Variants in PFKL observed in about 807,000 individuals in gnomAD.
The protein encoded by PFKL is phosphofructokinase, liver type.
A neutral mutation model predicts 92.1 loss-of-function variants in PFKL; 74 were observed. The ratio of observed to expected loss-of-function variants is 0.80; its 90% CI spans 0.67 to 0.97. The LOEUF (loss-of-function observed/expected upper bound fraction) is 0.97, where lower values mean the gene tolerates loss of function less well. PFKL is among the 50% of genes least tolerant of loss of function. PFKL has a pLI of 0.00. For synonymous variants in PFKL, 494 were observed against 456.4 expected (o/e 1.08, Z -1.05); for missense variants, 1,028 against 1,116.6 (o/e 0.92, Z 1.13).
chr21:44,302,162 G>A (rs998845863), intron 1 of PFKL, among the ~76,000 whole-genome samples: 6 of 152,244 alleles, frequency 3.9e-5, no homozygotes, highest in African/African-American at 1.4e-4. Flanking sequence ...AGCTGGGAGG[G>A]TGCCCACAGT....
Position 44,326,259 on chromosome 21 carries a change from T to C in PFKL, c.2190T>C (p.Asp730=), listed in dbSNP as rs779453427. Reference sequence around the variant, plus strand: ...TCACTGAGCTCAAGAAAGACACTGATTTCGAGTGAGTTCCACCAAAGCCTC... The same window carrying C: ...TCACTGAGCTCAAGAAAGACACTGACTTCGAGTGAGTTCCACCAAAGCCTC... ...SPVTELKKDT[D]FEHRMPREQW... is the part of the protein sequence containing the mutation. The change falls in exon 21 of 22, where the codon GAT becomes GAC. Residue 730 remains aspartate (D), a synonymous_variant. Coordinates refer to ENST00000349048, the MANE Select transcript of PFKL (RefSeq NM_002626.6). The C allele has an allele frequency of 6.2e-7, 1 of 1,608,130 alleles. No individual in the cohort carries two copies. The highest frequency in any genetic ancestry group is 1.7e-5 in the Admixed American group (1 of 59,908).
intron 19 of PFKL, 82 bp from the exon 20 acceptor site, chr21:44,325,879 T>G (rs2047492409): frequency 1.0e-6 from 1 of 982,242 alleles, no homozygotes; most frequent in Admixed American, 2.2e-5. Flanking sequence ...AGGCTCCCCG[T>G]GGGGATCCTG....
chr21:44,304,715 G>T (rs34391295), intron 1 of PFKL, among the ~76,000 whole-genome samples: 29,618 of 115,948 alleles, frequency 0.26, 4,103 homozygotes, highest in African/African-American at 0.39. Flanking sequence ...GTCTGTCTCG[G>T]GGGGCTTGGC....
rs2047123041 is a variant in PFKL, at chr21:44,313,786, T to C, written c.638+104T>C. 1.4e-5 allele frequency: 19 copies of C among 1,366,690 alleles called. No homozygotes were observed. In the Middle Eastern group the frequency reaches 5.8e-4, roughly 42 times the overall value. The allele number at this position is 1,366,690 out of a possible 1,614,324, so 84.7% of individuals were successfully genotyped here. A position where few individuals can be genotyped will look rare whatever the true frequency, so the allele number is the denominator to read the frequency against. On this transcript the variant is annotated intron_variant, in intron 6 of 21. Transcript: ENST00000349048. ...TAGGGCTCAGTTAATGCCATGGGTGTGAGAGAGCCGGGTGGGGGCCGGGAG... is the reference window on the plus strand; with the variant it reads ...TAGGGCTCAGTTAATGCCATGGGTGCGAGAGAGCCGGGTGGGGGCCGGGAG...
At chr21:44,317,377 C>G (rs1419816057) in intron 9 of PFKL, among the ~76,000 whole-genome samples, 12 of 152,186 alleles carry the variant, frequency 7.9e-5, no homozygotes, top group Non-Finnish European at 8.8e-5. Context: ...GAGGCTTCCT[C>G]AGAGAGGGGC....
intron 1 of PFKL, 54 bp downstream of exon 1, chr21:44,300,244 C>T (rs1158173913): frequency 2.0e-4 from 177 of 881,464 alleles, no homozygotes; most frequent in Non-Finnish European, 2.3e-4. Flanking sequence ...GCGCCTCCGC[C>T]CTGGCCTCTC....
chr21:44,323,570 G>A (rs1347604922), intron 15 of PFKL, among the ~76,000 whole-genome samples, 196 bp from the exon 16 acceptor site: 1 of 152,130 alleles, frequency 6.6e-6, no homozygotes, highest in East Asian at 1.9e-4. Context: ...CAGTTTCCCT[G>A]GTAGGCATCC....
Position 44,321,580 on chromosome 21 carries a change from G to A in PFKL, c.1192-149G>A. 6.1e-6 allele frequency: 4 copies of A among 655,478 alleles called. No individual in the cohort carries two copies. The South Asian group carries it at 7.7e-5, about 13-fold the overall frequency. 40.6% of individuals were successfully genotyped at this position (655,478 alleles called of 1,614,324 possible). On this transcript the variant is annotated intron_variant, in intron 12 of 21. Coordinates refer to ENST00000349048, the MANE Select transcript of PFKL (RefSeq NM_002626.6). ...AATTAGAACAGATACCGTATTCCCAGGGCAGTTGGGCGGTGTGCTGGGCAG... is the reference window on the plus strand; with the variant it reads ...AATTAGAACAGATACCGTATTCCCAAGGCAGTTGGGCGGTGTGCTGGGCAG...
At chr21:44,311,118 G>A in intron 3 of PFKL, 35 bp downstream of exon 3, 5 of 1,557,124 alleles carry the variant, frequency 3.2e-6, no homozygotes, top group Non-Finnish European at 4.4e-6. Flanking sequence ...TGTTGCACTT[G>A]GACTCGCAGA....
intron 2 of PFKL, among the ~76,000 whole-genome samples, chr21:44,308,952 T>G (rs1159970905): frequency 1.3e-5 from 2 of 152,260 alleles, no homozygotes; most frequent in South Asian, 4.2e-4. Flanking sequence ...ACACAGGTCT[T>G]TCTTCCTACG....
chr21:44,302,119 C>G (rs1279883553), intron 1 of PFKL, among the ~76,000 whole-genome samples: 1 of 152,234 alleles, frequency 6.6e-6, no homozygotes, highest in Admixed American at 6.5e-5. Flanking sequence ...GGCCCCAGTG[C>G]CTGATATGGA....
chr21:44,321,652 G>A (rs1485383230), intron 12 of PFKL, 77 bp from the exon 13 acceptor site: 16 of 1,417,400 alleles, frequency 1.1e-5, no homozygotes, highest in Middle Eastern at 1.9e-4. Context: ...AGAACCTGCC[G>A]GCCTGCTGAC....
chr21:44,305,168 A>T, intron 1 of PFKL: 1 of 1,104,092 alleles, frequency 9.1e-7, no homozygotes, highest in Non-Finnish European at 1.2e-6. Flanking sequence ...TCCCTCTGGG[A>T]TCTCATTGGA....
intron 1 of PFKL, among the ~76,000 whole-genome samples, chr21:44,302,348 G>A (rs899352845): frequency 3.9e-5 from 6 of 152,276 alleles, no homozygotes; most frequent in African/African-American, 1.4e-4. Flanking sequence ...CCAGTTCAGG[G>A]CTGGGGCTGA....
intron 1 of PFKL, among the ~76,000 whole-genome samples, chr21:44,303,249 A>G (rs985720338): frequency 6.6e-6 from 1 of 151,020 alleles, no homozygotes; most frequent in Non-Finnish European, 1.5e-5. Flanking sequence ...CAAACAAGAA[A>G]AAACCCCAAA....
intron 10 of PFKL, 119 bp from the exon 11 acceptor site, chr21:44,319,231 TG>T: frequency 2.4e-6 from 2 of 816,496 alleles, no homozygotes; most frequent in Non-Finnish European, 4.1e-6. Context: ...CTGCCAGGCC[TG>T]GGCCAGGGTC....
At chr21:44,303,797 C>T (rs1289867133) in intron 1 of PFKL, among the ~76,000 whole-genome samples, 2 of 152,164 alleles carry the variant, frequency 1.3e-5, no homozygotes, top group African/African-American at 4.8e-5. Flanking sequence ...CAACCTCAGA[C>T]ATTGATTTTG....
At position 44,316,260 on chromosome 21, in the gene PFKL, C is replaced by A; in HGVS notation, c.764C>A (p.Ser255Tyr). Residue 255 changes from serine (S) to tyrosine (Y), a missense_variant, in exon 8 of 22, where the codon TCC (serine) becomes TAC (tyrosine). Physicochemically the swap from Ser to Tyr is moderately radical, Grantham distance 144. Transcript: ENST00000349048. The part of the protein sequence containing the change: ...ERLGETRSRG[S>Y]RLNIIIIAEG... The stretch of plus-strand genomic sequence containing the variant: ...TTGACCCAGACTCGGAGCCGTGGGT[C>A]CCGACTGAACATCATCATCATCGCT... 6.2e-7 allele frequency: 1 copy of A among 1,613,096 alleles called. No homozygotes were observed. Among genetic ancestry groups the A allele is most frequent in the Non-Finnish European group, 8.5e-7 (1 of 1,179,950 alleles).
intron 14 of PFKL, 130 bp from the exon 15 acceptor site, chr21:44,322,832 A>G (rs1294670306): frequency 3.4e-6 from 2 of 596,330 alleles, no homozygotes; most frequent in Non-Finnish European, 6.0e-6. Context: ...ACAGCGCCAC[A>G]TCCCGGGCAT....
Sources: gnomAD v4.1 joint callset for allele counts (sites outside exome capture counted in the v4.1 genomes callset) on GRCh38, gnomAD v4.1.1 for gene constraint, MANE v1.5 for transcripts, NCBI Gene and HGNC (gene_info 2026-07-23, HGNC 2026-07-21) for gene names.